The following GOLGA5 variants were observed in gnomAD, a reference collection of about 807,000 sequenced individuals.
GOLGA5 encodes golgin subfamily A member 5.
In GOLGA5, 50 loss-of-function variants were observed where a neutral mutation model predicts 93.5. The observed-to-expected ratio is 0.53, with a 90% confidence interval of 0.43 to 0.68. The LOEUF is 0.68. GOLGA5 is among the 30% of genes least tolerant of loss of function. GOLGA5 has a pLI of 0.00. For synonymous variants in GOLGA5, 312 were observed against 304.5 expected (o/e 1.02, Z -0.26); for missense variants, 760 against 856.4 (o/e 0.89, Z 1.40).
intron 2 of GOLGA5, among the ~76,000 whole-genome samples, chr14:92,799,519 T>C (rs1197306865): frequency 6.6e-6 from 1 of 150,768 alleles, no homozygotes; most frequent in Non-Finnish European, 1.5e-5. Context: ...CTCCTGACCT[T>C]GTGATCCGCC....
Position 92,839,515 on chromosome 14 carries a change from C to A in GOLGA5, c.*69C>A. 1 of 974,696 alleles carries A rather than the reference C, an allele frequency of 1.0e-6. No individual in the cohort carries two copies. The highest frequency in any genetic ancestry group is 1.6e-6 in the Non-Finnish European group (1 of 610,900). 60.4% of individuals were successfully genotyped at this position (974,696 alleles called of 1,614,324 possible). A position where few individuals can be genotyped will look rare whatever the true frequency, so the allele number is the denominator to read the frequency against. On this transcript the variant is annotated 3_prime_UTR_variant, in exon 13 of 13. Coordinates refer to ENST00000163416, the MANE Select transcript of GOLGA5 (RefSeq NM_005113.4). ...TTGGGATCTGCAAGAAGGCCAATTG[C>A]CTAAAATTTCTGAGAACAGTGCACA...
At chr14:92,837,091 G>C (rs557088766) in intron 11 of GOLGA5, among the ~76,000 whole-genome samples, 4 of 151,916 alleles carry the variant, frequency 2.6e-5, no homozygotes, top group Non-Finnish European at 5.9e-5. Flanking sequence ...AAAAATTAGG[G>C]ATCAAGTTTG....
At chr14:92,829,526 C>T (rs971919888) in intron 9 of GOLGA5, among the ~76,000 whole-genome samples, 16 of 152,002 alleles carry the variant, frequency 1.1e-4, no homozygotes, top group African/African-American at 3.4e-4. Flanking sequence ...GTAGAAATAG[C>T]GAGAGAACTA....
intron 9 of GOLGA5, among the ~76,000 whole-genome samples, chr14:92,826,918 A>G (rs928370646): frequency 6.6e-6 from 1 of 152,164 alleles, no homozygotes; most frequent in Admixed American, 6.5e-5. Flanking sequence ...GAGAAGATAC[A>G]AAAAGCGCTA....
intron 8 of GOLGA5, among the ~76,000 whole-genome samples, chr14:92,823,499 G>C (rs143153632): frequency 0.012 from 1,829 of 150,280 alleles, 20 homozygotes; most frequent in Non-Finnish European, 0.019. Context: ...CTGCAGCCTC[G>C]ACCTCCTCAG....
chr14:92,817,237 G>A (rs1351767898), intron 7 of GOLGA5, among the ~76,000 whole-genome samples: 3 of 152,096 alleles, frequency 2.0e-5, no homozygotes, highest in Non-Finnish European at 2.9e-5. Context: ...CACCATGCCC[G>A]ACCAGGTTTC....
chr14:92,815,699 CTTTTTTTTTTTT>C (rs571410551), intron 6 of GOLGA5, among the ~76,000 whole-genome samples: 14 of 91,264 alleles, frequency 1.5e-4, no homozygotes, highest in Non-Finnish European at 6.1e-5. Context: ...TTTTTTTAAT[CTTTTTTTTTTTT>C]TTTTTTTTTT....
chr14:92,822,413 G>A (rs1461206008), intron 8 of GOLGA5, among the ~76,000 whole-genome samples: 8 of 152,122 alleles, frequency 5.3e-5, no homozygotes, highest in African/African-American at 1.4e-4. Context: ...TCTGTTCTAC[G>A]TTGTATTTCA....
rs1407554794 is a variant in GOLGA5 at position 92,839,571 on chromosome 14, T to C, written c.*125T>C. ...ATTTTATCACTACAAGCTTTTAACT[T>C]TTTAAGTTATTGTACAAGTATTCTA... is the stretch of plus-strand genomic sequence containing the variant. On this transcript the variant is annotated 3_prime_UTR_variant, in exon 13 of 13. Transcript: ENST00000163416. 9 of 628,540 alleles carry C rather than the reference T, an allele frequency of 1.4e-5. No individual in the cohort carries two copies. Among genetic ancestry groups the C allele is most frequent in the Non-Finnish European group, 2.3e-5 (8 of 354,860 alleles). The allele number at this position is 628,540 out of a possible 1,614,324, so 38.9% of individuals were successfully genotyped here.
chr14:92,805,181 C>A (rs1024029522), intron 2 of GOLGA5, among the ~76,000 whole-genome samples: 1 of 152,060 alleles, frequency 6.6e-6, no homozygotes, highest in Non-Finnish European at 1.5e-5. Context: ...TCACCCCGTC[C>A]CTGAAAGCAC....
intron 6 of GOLGA5, among the ~76,000 whole-genome samples, chr14:92,813,849 G>T (rs980179264): frequency 2.0e-4 from 31 of 152,122 alleles, no homozygotes; most frequent in African/African-American, 7.0e-4. Flanking sequence ...CCTGATCAAA[G>T]TTTTTGGCAG....
In GOLGA5 at chr14:92,811,512, A is replaced by G. The variant is rs990953321; in HGVS notation, c.1117-39A>G. ...TGGTTGTAAAATATGTTTCAAAGCT[A>G]AATGATATCATTAATTATGATATAA... On this transcript the variant is annotated intron_variant, in intron 5 of 12. Transcript: ENST00000163416. The G allele has an allele frequency of 5.6e-6, 7 of 1,260,154 alleles. No individual in the cohort carries two copies. In the African/African-American group the frequency reaches 1.0e-4, roughly 19 times the overall value. 78.1% of individuals were successfully genotyped at this position (1,260,154 alleles called of 1,614,324 possible). A position where few individuals can be genotyped will look rare whatever the true frequency, so the allele number is the denominator to read the frequency against.
rs142530146 is a variant in GOLGA5 at position 92,816,527 on chromosome 14, T to TTCGCTTCG, written c.1491+106_1491+107insTCGCTTCG. The TTCGCTTCG allele has an allele frequency of 4.3e-6, 3 of 690,048 alleles. No homozygotes were observed. The African/African-American group carries it at 5.4e-5, about 13-fold the overall frequency. 42.7% of individuals were successfully genotyped at this position (690,048 alleles called of 1,614,324 possible). ...ACTAAAGCGATAGGTTTCTCGCTTC[T>TTCGCTTCG]CTTCGCTTCGCTTCGCTTCTCTTCT... On this transcript the variant is annotated intron_variant, in intron 7 of 12. Transcript: ENST00000163416.
At chr14:92,799,780 A>G (rs549424571) in intron 2 of GOLGA5, among the ~76,000 whole-genome samples, 12 of 150,418 alleles carry the variant, frequency 8.0e-5, no homozygotes, top group Admixed American at 6.0e-4. Context: ...TAATTTTTGT[A>G]TTTTTTGGTA....
At chr14:92,831,645 T>G (rs1308624162) in intron 9 of GOLGA5, among the ~76,000 whole-genome samples, 3 of 152,208 alleles carry the variant, frequency 2.0e-5, no homozygotes, top group African/African-American at 7.2e-5. Flanking sequence ...AGATTTTACC[T>G]TGATTAAAAA....
chr14:92,834,172 T>C (rs1885587094), intron 10 of GOLGA5, among the ~76,000 whole-genome samples: 1 of 138,882 alleles, frequency 7.2e-6, no homozygotes. Flanking sequence ...TTCAGTTTCT[T>C]TTAGGTTTCA....
In GOLGA5 at chr14:92,835,637, A is replaced by C; in HGVS notation, c.2024A>C (p.Lys675Thr). The C allele has an allele frequency of 6.2e-7, 1 of 1,611,632 alleles. No individual in the cohort carries two copies. The highest frequency in any genetic ancestry group is 8.5e-7 in the Non-Finnish European group (1 of 1,177,766). ...GCAGGAATGTACGGAAAAGTTCGCA[A>C]AGCTGCTAGTTCAATTGATCAGTTT... is the stretch of plus-strand genomic sequence containing the variant. ...NLAGMYGKVR[K>T]AASSIDQFSI... The change falls in exon 11 of 13, where the codon AAA (lysine) becomes ACA (threonine). Residue 675 changes from lysine (K) to threonine (T), a missense_variant. By Grantham distance (78) the Lys-to-Thr change is moderately conservative. Transcript: ENST00000163416.
At position 92,824,635 on chromosome 14, in the gene GOLGA5, C is replaced by G. The variant is rs775110843; in HGVS notation, c.1710C>G (p.Leu570=). The G allele has an allele frequency of 1.3e-6, 2 of 1,551,912 alleles. No homozygotes were observed. The highest frequency in any genetic ancestry group is 1.8e-6 in the Non-Finnish European group (2 of 1,126,554). The part of the protein sequence containing the change: ...IKDRDEEIQK[L]RNQLTNKTLS... ...ATCGAGACGAAGAAATTCAAAAACT[C>G]AGGAATCAGGTATGAATCACTATTC... is the stretch of plus-strand genomic sequence containing the variant. Residue 570 remains leucine (L), a synonymous_variant, in exon 9 of 13, where the codon CTC becomes CTG. Coordinates refer to ENST00000163416, the MANE Select transcript of GOLGA5 (RefSeq NM_005113.4).
At chr14:92,820,314 G>C (rs1437841924) in intron 8 of GOLGA5, among the ~76,000 whole-genome samples, 1 of 152,236 alleles carries the variant, frequency 6.6e-6, no homozygotes, top group Non-Finnish European at 1.5e-5. Flanking sequence ...ACGTAGGCCA[G>C]ATTTATGCTT....
Sources: allele counts gnomAD v4.1 joint callset (sites outside exome capture counted in the v4.1 genomes callset), GRCh38; gene constraint gnomAD v4.1.1; transcripts MANE v1.5; gene names NCBI Gene and HGNC (gene_info 2026-07-23, HGNC 2026-07-21).